Variants in CASR observed in about 807,000 individuals in gnomAD.
CASR encodes the protein extracellular calcium-sensing receptor.
In CASR, 23 loss-of-function variants were observed where a neutral mutation model predicts 69.1. The ratio of observed to expected loss-of-function variants is 0.33; its 90% CI spans 0.24 to 0.47. The LOEUF is 0.47. Ranked by LOEUF, CASR falls within the 20% of genes least tolerant of loss-of-function variation. The pLI is 1.00. For missense variants in CASR, 924 were observed against 1,356.1 expected (o/e 0.68, Z 5.00); for synonymous variants, 541 against 544.7 (o/e 0.99, Z 0.10).
chr3:122,195,062 C>G (rs1279639387), intron 1 of CASR, among the ~76,000 whole-genome samples: 1 of 150,608 alleles, frequency 6.6e-6, no homozygotes, highest in Non-Finnish European at 1.5e-5. Context: ...CTCCATCCCT[C>G]CCTTCTCCAT....
Position 122,254,194 on chromosome 3 carries a change from C to A in CASR, c.5C>A (p.Ala2Glu), listed in dbSNP as rs2074527714. The A allele has an allele frequency of 6.2e-7, 1 of 1,612,846 alleles. No homozygotes were observed. The highest frequency in any genetic ancestry group is 8.5e-7 in the Non-Finnish European group (1 of 1,180,022). ...CCCTGGAGAGACGGCAGAACCATGGCATTTTATAGCTGCTGCTGGGTCCTC... is the reference window on the plus strand; with the variant it reads ...CCCTGGAGAGACGGCAGAACCATGGAATTTTATAGCTGCTGCTGGGTCCTC... MAFYSCCWVLLA... is the reference protein window; with the variant it reads MEFYSCCWVLLA... The change falls in exon 2 of 7, where the codon GCA becomes GAA. Residue 2 changes from alanine to glutamate, a missense_variant. Coordinates refer to ENST00000639785, the MANE Select transcript of CASR (RefSeq NM_000388.4).
Position 122,188,093 on chromosome 3 carries a change from T to C in CASR, c.-243+4281T>C, listed in dbSNP as rs546706365. On this transcript the variant is annotated intron_variant, in intron 1 of 6. Transcript: ENST00000639785. ...GGCAAAGGAAGCTGCTGGAGGGTTT[T>C]ACATAGAGGAGTGACTCGTGAGCAT... is the stretch of plus-strand genomic sequence containing the variant. Among the ~76,000 whole-genome samples, 3 of 152,344 alleles carry C rather than the reference T, an allele frequency of 2.0e-5. No individual in the cohort carries two copies. In the East Asian group the frequency reaches 5.8e-4, roughly 29 times the overall value.
intron 1 of CASR, among the ~76,000 whole-genome samples, chr3:122,246,251 TG>T (rs150850588): frequency 0.012 from 1,892 of 152,326 alleles, 53 homozygotes; most frequent in African/African-American, 0.042. Context: ...GAGTTTCAAC[TG>T]GGGACAGTTC....
chr3:122,230,424 G>A (rs770874959), intron 1 of CASR, among the ~76,000 whole-genome samples: 5 of 152,238 alleles, frequency 3.3e-5, no homozygotes, highest in African/African-American at 4.8e-5. Context: ...GGCCTGCAGC[G>A]GATGCGGGCG....
rs2074500611 is a variant in CASR, at chr3:122,252,409, A to AAAAGAAAGAAAGAGAAAG, written c.-242-1526_-242-1525insGAAAGAAAGAAAGAAAGA. On this transcript the variant is annotated intron_variant, in intron 1 of 6. Coordinates refer to ENST00000639785, the MANE Select transcript of CASR (RefSeq NM_000388.4). ...AAGGAAGGAAGGAAGGAAGGAAGGAAAAAGAAAGAAAGAAAGAAAGAAAGA... is the reference window on the plus strand; with the variant it reads ...AAGGAAGGAAGGAAGGAAGGAAGGAAAAAGAAAGAAAGAGAAAGAAAGAAAGAAAGAAAGAAAGAAAGA... Among the ~76,000 whole-genome samples the AAAAGAAAGAAAGAGAAAG allele has an allele frequency of 1.5e-3, 10 of 6,472 alleles. 2 individuals are homozygous for AAAAGAAAGAAAGAGAAAG. The highest frequency in any genetic ancestry group is 0.17 in the Middle Eastern group (2 of 12). 4.2% of individuals were successfully genotyped at this position (6,472 alleles called of 152,430 possible).
At chr3:122,217,476 G>A (rs13320637) in intron 1 of CASR, among the ~76,000 whole-genome samples, 36,584 of 152,106 alleles carry the variant, frequency 0.24, 5,440 homozygotes, top group Admixed American at 0.43. Flanking sequence ...GGGCAAGGAA[G>A]ATTCAGGATG....
At chr3:122,248,630 C>G (rs2074452105) in intron 1 of CASR, among the ~76,000 whole-genome samples, 1 of 141,000 alleles carries the variant, frequency 7.1e-6, no homozygotes, top group Non-Finnish European at 1.5e-5. Flanking sequence ...TTTTTGCCAT[C>G]TAGGAATTCA....
At chr3:122,216,294 T>C (rs1208292118) in intron 1 of CASR, among the ~76,000 whole-genome samples, 1 of 152,218 alleles carries the variant, frequency 6.6e-6, no homozygotes, top group Non-Finnish European at 1.5e-5. Flanking sequence ...CTTGATGTGA[T>C]GTCCATTTTA....
At chr3:122,218,541 CAA>C (rs59428263) in intron 1 of CASR, among the ~76,000 whole-genome samples, 177 of 106,292 alleles carry the variant, frequency 1.7e-3, no homozygotes, top group African/African-American at 5.4e-3. Flanking sequence ...GACTCTGTCT[CAA>C]AAAAAAAAAA....
At chr3:122,234,567 TGG>T (rs2074311120) in intron 1 of CASR, among the ~76,000 whole-genome samples, 1 of 152,114 alleles carries the variant, frequency 6.6e-6, no homozygotes, top group African/African-American at 2.4e-5. Flanking sequence ...CATGAGAGGA[TGG>T]AATTTTATTT....
At chr3:122,254,468 C>T (rs1007197554) in intron 2 of CASR, 94 bp downstream of exon 2, 28 of 1,286,618 alleles carry the variant, frequency 2.2e-5, no homozygotes, top group African/African-American at 4.4e-5. Context: ...AAACTTTGTC[C>T]TATCTTTTCA....
rs1327682547 is a variant in CASR, at chr3:122,254,217, C to G, written c.28C>G (p.Leu10Val). MAFYSCCWV[L>V]LALTWHTSAY... ...GGCATTTTATAGCTGCTGCTGGGTCCTCTTGGCACTCACCTGGCACACCTC... is the reference window on the plus strand; with the variant it reads ...GGCATTTTATAGCTGCTGCTGGGTCGTCTTGGCACTCACCTGGCACACCTC... Residue 10 changes from leucine to valine, a missense_variant, in exon 2 of 7, where the codon CTC becomes GTC. This residue lies in a region of CASR where 28 missense variants were observed against 22.1 expected (regional missense o/e 1.27). Transcript: ENST00000639785. 1.9e-6 allele frequency: 3 copies of G among 1,613,522 alleles called. No individual in the cohort carries two copies. The highest frequency in any genetic ancestry group is 2.5e-6 in the Non-Finnish European group (3 of 1,180,028).
chr3:122,219,843 T>C (rs928174844), intron 1 of CASR, among the ~76,000 whole-genome samples: 4 of 152,248 alleles, frequency 2.6e-5, no homozygotes, highest in Admixed American at 6.5e-5. Flanking sequence ...GATCCCTGCC[T>C]TGCAGATTTA....
At chr3:122,277,685 G>A (rs1412106523) in intron 5 of CASR, among the ~76,000 whole-genome samples, 1 of 152,140 alleles carries the variant, frequency 6.6e-6, no homozygotes, top group Non-Finnish European at 1.5e-5. Flanking sequence ...AAATTGATCA[G>A]CTATACTGCC....
chr3:122,221,037 C>G (rs1464511488), intron 1 of CASR, among the ~76,000 whole-genome samples: 1 of 152,166 alleles, frequency 6.6e-6, no homozygotes, highest in East Asian at 1.9e-4. Context: ...TTCCTCCAGT[C>G]TCAATTCCCA....
intron 2 of CASR, among the ~76,000 whole-genome samples, chr3:122,254,993 C>G (rs1291127039): frequency 6.8e-6 from 1 of 147,630 alleles, no homozygotes; most frequent in African/African-American, 2.5e-5. Flanking sequence ...GAATGCATCT[C>G]ACTCTCTCAA....
intron 1 of CASR, among the ~76,000 whole-genome samples, chr3:122,201,179 G>A (rs977891767): frequency 6.6e-6 from 1 of 152,046 alleles, no homozygotes; most frequent in Non-Finnish European, 1.5e-5. Flanking sequence ...CTGGGTACTT[G>A]AGATTAGGGA....
At chr3:122,208,225 C>G (rs1338368723) in intron 1 of CASR, among the ~76,000 whole-genome samples, 2 of 152,016 alleles carry the variant, frequency 1.3e-5, no homozygotes, top group Non-Finnish European at 2.9e-5. Context: ...GCTAAATTCT[C>G]TCTTTGTTTT....
intron 1 of CASR, among the ~76,000 whole-genome samples, chr3:122,220,923 G>A (rs1971332): frequency 3.3e-5 from 5 of 151,944 alleles, no homozygotes; most frequent in Non-Finnish European, 7.4e-5. Flanking sequence ...GCAATGAGCC[G>A]AGATCGCGCC....
Sources: allele counts gnomAD v4.1 joint callset (sites outside exome capture counted in the v4.1 genomes callset), GRCh38; gene constraint gnomAD v4.1.1; regional missense constraint gnomAD v4.1.1; transcripts MANE v1.5; gene names NCBI Gene and HGNC (gene_info 2026-07-23, HGNC 2026-07-21).